The following ADAMTS16 variants were observed in gnomAD, a reference collection of about 807,000 sequenced individuals.
ADAMTS16 encodes the protein ADAM metallopeptidase with thrombospondin type 1 motif 16, also known as A disintegrin and metalloproteinase with thrombospondin motifs 16.
A neutral mutation model predicts 145.8 loss-of-function variants in ADAMTS16; 94 were observed. That is an observed-to-expected ratio of 0.64 (90% CI 0.55 to 0.77). The LOEUF is 0.77. Ranked by LOEUF, ADAMTS16 falls within the 30% of genes least tolerant of loss-of-function variation. The pLI is 0.00. For missense variants in ADAMTS16, 1,585 were observed against 1,591.5 expected (o/e 1.00, Z 0.07); for synonymous variants, 659 against 604.3 (o/e 1.09, Z -1.33).
intron 2 of ADAMTS16, among the ~76,000 whole-genome samples, chr5:5,144,011 G>T (rs1032749500): frequency 1.3e-5 from 2 of 152,010 alleles, no homozygotes; most frequent in African/African-American, 4.8e-5. Flanking sequence ...GATAGCATTA[G>T]AAATACCTAA....
chr5:5,259,242 G>A (rs1737908765), intron 17 of ADAMTS16, among the ~76,000 whole-genome samples: 1 of 152,218 alleles, frequency 6.6e-6, no homozygotes, highest in Admixed American at 6.5e-5. Context: ...GGCCTGCTGA[G>A]TCCCACCTGA....
chr5:5,152,872 A>G (rs1299324677), intron 3 of ADAMTS16, among the ~76,000 whole-genome samples: 1 of 152,244 alleles, frequency 6.6e-6, no homozygotes, highest in Admixed American at 6.5e-5. Context: ...CACTGGGGTG[A>G]AATCCCACAT....
intron 10 of ADAMTS16, among the ~76,000 whole-genome samples, chr5:5,219,030 C>T (rs967757247): frequency 7.9e-5 from 12 of 152,036 alleles, no homozygotes; most frequent in African/African-American, 1.2e-4. Context: ...TTGGAAAATG[C>T]GACATTTGGG....
At chr5:5,189,613 C>T (rs950408826) in intron 6 of ADAMTS16, among the ~76,000 whole-genome samples, 1 of 152,072 alleles carries the variant, frequency 6.6e-6, no homozygotes, top group African/African-American at 2.4e-5. Context: ...ATGTACAAAG[C>T]CATGTATAAA....
intron 11 of ADAMTS16, among the ~76,000 whole-genome samples, chr5:5,227,840 G>C (rs1031153266): frequency 2.6e-5 from 4 of 152,144 alleles, no homozygotes; most frequent in Non-Finnish European, 5.9e-5. Flanking sequence ...CAAAAGACTG[G>C]AAATAATGCA....
intron 6 of ADAMTS16, 131 bp from the exon 7 acceptor site, chr5:5,189,840 A>T: frequency 1.8e-6 from 2 of 1,106,748 alleles, no homozygotes; most frequent in Non-Finnish European, 2.6e-6. Flanking sequence ...TACACGCGTT[A>T]GCTTATATGC....
chr5:5,297,087 A>T (rs16875288), intron 18 of ADAMTS16, among the ~76,000 whole-genome samples: 32,890 of 152,096 alleles, frequency 0.22, 3,684 homozygotes, highest in Middle Eastern at 0.29. Flanking sequence ...AATGTGCATC[A>T]CCTTGCTTCT....
chr5:5,147,052 T>C (rs1408925650), intron 3 of ADAMTS16, among the ~76,000 whole-genome samples: 1 of 152,198 alleles, frequency 6.6e-6, no homozygotes, highest in Non-Finnish European at 1.5e-5. Context: ...ATGCTTCTGG[T>C]GCTGCAGTTT....
chr5:5,168,540 AT>A (rs1327026389), intron 3 of ADAMTS16, among the ~76,000 whole-genome samples: 1 of 140,264 alleles, frequency 7.1e-6, no homozygotes, highest in East Asian at 2.0e-4. Context: ...AACTATCACC[AT>A]TTTTATTATA....
chr5:5,153,111 C>T (rs929457872), intron 3 of ADAMTS16, among the ~76,000 whole-genome samples: 9 of 152,206 alleles, frequency 5.9e-5, no homozygotes, highest in Admixed American at 5.9e-4. Context: ...AGCTCATGCA[C>T]ATGAATTTGC....
Position 5,239,737 on chromosome 5 carries a change from A to G in ADAMTS16, c.2335A>G (p.Met779Val), listed in dbSNP as rs1343750378. ...SGARSIRIYE[M>V]NVSTSYISVR... ...AGCCCGGAGTATCCGCATCTATGAA[A>G]TGAACGTCTCTACCTCCTACATTTC... The change falls in exon 16 of 23, where the codon ATG becomes GTG. Residue 779 changes from methionine (M) to valine (V), a missense_variant. By Grantham distance (21) the Met-to-Val change is conservative. Around this residue, in one of 3 missense-constraint regions of ADAMTS16, gnomAD observed 834 missense variants for 811.7 expected, o/e 1.03. Coordinates refer to ENST00000274181, the MANE Select transcript of ADAMTS16 (RefSeq NM_139056.4). The G allele has an allele frequency of 6.2e-7, 1 of 1,614,034 alleles. No individual in the cohort carries two copies.
At chr5:5,318,661 AT>A (rs1057206895) in intron 22 of ADAMTS16, among the ~76,000 whole-genome samples, 6 of 152,202 alleles carry the variant, frequency 3.9e-5, no homozygotes, top group African/African-American at 7.2e-5. Context: ...GCGGAGACAG[AT>A]GGCTGGGCGC....
chr5:5,202,530 CT>C (rs1735989816), intron 9 of ADAMTS16, among the ~76,000 whole-genome samples: 1 of 152,136 alleles, frequency 6.6e-6, no homozygotes. Context: ...TTTCTTGCAG[CT>C]GTTCACATTT....
At chr5:5,167,839 A>G (rs1196917693) in intron 3 of ADAMTS16, among the ~76,000 whole-genome samples, 2 of 152,240 alleles carry the variant, frequency 1.3e-5, no homozygotes, top group Non-Finnish European at 2.9e-5. Flanking sequence ...TTGAAGGCCT[A>G]AACGTTAAAT....
At chr5:5,248,053 G>A (rs1737505232) in intron 17 of ADAMTS16, among the ~76,000 whole-genome samples, 2 of 152,246 alleles carry the variant, frequency 1.3e-5, no homozygotes, top group South Asian at 4.1e-4. Flanking sequence ...TCTAGCACAT[G>A]TGATAGAAAC....
At chr5:5,162,062 C>T (rs1734754449) in intron 3 of ADAMTS16, among the ~76,000 whole-genome samples, 1 of 152,082 alleles carries the variant, frequency 6.6e-6, no homozygotes, top group South Asian at 2.1e-4. Context: ...ATGGAGCAAG[C>T]CTATGGTGAA....
chr5:5,166,991 A>G (rs1470375753), intron 3 of ADAMTS16, among the ~76,000 whole-genome samples: 2 of 152,186 alleles, frequency 1.3e-5, no homozygotes, highest in Non-Finnish European at 2.9e-5. Flanking sequence ...CTATTTAATG[A>G]TGACCCTACC....
chr5:5,188,822 C>T (rs1004774983), intron 6 of ADAMTS16, among the ~76,000 whole-genome samples: 3 of 152,010 alleles, frequency 2.0e-5, no homozygotes. Context: ...TGTGTGAGTG[C>T]GCAGTTGGGG....
At chr5:5,318,353 G>T in intron 22 of ADAMTS16, 72 bp downstream of exon 22, 1 of 1,323,624 alleles carries the variant, frequency 7.6e-7, no homozygotes, top group East Asian at 2.8e-5. Flanking sequence ...GCAGTTCCTT[G>T]GGGGGCCTGG....
Sources: allele counts gnomAD v4.1 joint callset (sites outside exome capture counted in the v4.1 genomes callset), GRCh38; gene constraint gnomAD v4.1.1; regional missense constraint gnomAD v4.1.1; transcripts MANE v1.5; gene names NCBI Gene and HGNC (gene_info 2026-07-23, HGNC 2026-07-21).